AKR1E2: variants seen among roughly 807,000 people sequenced by gnomAD.
The protein encoded by AKR1E2 is aldo-keto reductase family 1 member E2.
A neutral mutation model predicts 41.9 loss-of-function variants in AKR1E2; 43 were observed. That is an observed-to-expected ratio of 1.03 (90% CI 0.80 to 1.32). AKR1E2 has a LOEUF of 1.32. AKR1E2 is among the 40% of genes most tolerant of loss of function. AKR1E2 has a pLI of 0.00. For missense variants in AKR1E2, 423 were observed against 396.5 expected (o/e 1.07, Z -0.57); for synonymous variants, 121 against 138.9 (o/e 0.87, Z 0.91).
At chr10:4,843,727 A>G (rs74694606) in intron 8 of AKR1E2, among the ~76,000 whole-genome samples, 5,308 of 152,294 alleles carry the variant, frequency 0.035, 151 homozygotes, top group East Asian at 0.12. Flanking sequence ...GAGGCAGGCC[A>G]CCCACGATGG....
At chr10:4,836,965 T>C (rs1386018360) in intron 4 of AKR1E2, among the ~76,000 whole-genome samples, 1 of 152,136 alleles carries the variant, frequency 6.6e-6, no homozygotes, top group African/African-American at 2.4e-5. Flanking sequence ...TGCCCTAAAG[T>C]GTCTTAAAAT....
At chr10:4,848,276 C>T (rs1321253313), downstream of AKR1E2, among the ~76,000 whole-genome samples, 2 of 152,154 alleles carry the variant, frequency 1.3e-5, no homozygotes, top group African/African-American at 4.8e-5. Context: ...CTGGGGAACC[C>T]CCATAGCGGA....
At position 4,842,504 on chromosome 10, in the gene AKR1E2, G is replaced by C. The variant is rs981988847; in HGVS notation, c.837G>C (p.Gln279His). ...CAAGTCACATTAAAGAGAATATCCA[G>C]GTAGGTGTATTCCTTCTTTTATTTG... ...ITPSHIKENI[Q>H]VFDFELTQHD... Residue 279 changes from glutamine to histidine, a missense_variant and splice_region_variant, in exon 8 of 10, where the codon CAG becomes CAC. Transcript: ENST00000298375. 6.2e-7 allele frequency: 1 copy of C among 1,613,594 alleles called. No individual in the cohort carries two copies. The highest frequency in any genetic ancestry group is 2.2e-5 in the East Asian group (1 of 44,858).
chr10:4,866,753 G>C, the AKR1E2 span, among the ~76,000 whole-genome samples: 1 of 148,224 alleles, frequency 6.7e-6, no homozygotes, highest in Admixed American at 7.0e-5. Context: ...AGGATAACTT[G>C]GCGGGTGGGG....
chr10:4,857,154 A>G, the AKR1E2 span, among the ~76,000 whole-genome samples: 1 of 152,154 alleles, frequency 6.6e-6, no homozygotes, highest in Non-Finnish European at 1.5e-5. Context: ...AGACTCATCC[A>G]TAATTCATTA....
chr10:4,848,311 C>T (rs1257619305), downstream of AKR1E2, among the ~76,000 whole-genome samples: 1 of 152,248 alleles, frequency 6.6e-6, no homozygotes, highest in Non-Finnish European at 1.5e-5. Flanking sequence ...CACTTTCTCA[C>T]ATCTGCTCAT....
At chr10:4,836,767 A>G (rs1337761323) in intron 4 of AKR1E2, among the ~76,000 whole-genome samples, 2 of 152,228 alleles carry the variant, frequency 1.3e-5, no homozygotes, top group Non-Finnish European at 2.9e-5. Context: ...TAGGGTGCTC[A>G]TGTAGCACCA....
chr10:4,838,733 G>C (rs981269080), intron 5 of AKR1E2, among the ~76,000 whole-genome samples: 23 of 152,172 alleles, frequency 1.5e-4, no homozygotes, highest in African/African-American at 4.8e-4. Context: ...TTCTCATGTA[G>C]TTCAGCTTTG....
intron 1 of AKR1E2, among the ~76,000 whole-genome samples, chr10:4,828,974 A>G (rs970129361): frequency 1.3e-5 from 2 of 152,124 alleles, no homozygotes; most frequent in African/African-American, 4.8e-5. Flanking sequence ...TTCTACACAA[A>G]TGATCATATC....
At chr10:4,846,745 C>A (rs1483630146) in intron 8 of AKR1E2, among the ~76,000 whole-genome samples, 1 of 152,130 alleles carries the variant, frequency 6.6e-6, no homozygotes, top group African/African-American at 2.4e-5. Flanking sequence ...GGGGTTTCAC[C>A]ATATTGGCCA....
chr10:4,849,073 C>T (rs140481906), downstream of AKR1E2, among the ~76,000 whole-genome samples: 920 of 152,246 alleles, frequency 6.0e-3, 4 homozygotes, highest in Admixed American at 0.012. Flanking sequence ...GACTTTGCTG[C>T]GGGTGTCACC....
the AKR1E2 span, among the ~76,000 whole-genome samples, chr10:4,855,351 T>C: frequency 3.3e-5 from 5 of 152,232 alleles, no homozygotes; most frequent in Non-Finnish European, 7.3e-5. Context: ...AGGAGGAGTA[T>C]CTTAGAATAG....
the AKR1E2 span, among the ~76,000 whole-genome samples, chr10:4,859,789 C>A: frequency 6.6e-6 from 1 of 152,236 alleles, no homozygotes; most frequent in Non-Finnish European, 1.5e-5. Flanking sequence ...CATGAGTGAT[C>A]TCTCTCTGGA....
chr10:4,868,002 G>A, the AKR1E2 span, among the ~76,000 whole-genome samples: 7 of 152,140 alleles, frequency 4.6e-5, no homozygotes, highest in Non-Finnish European at 8.8e-5. Flanking sequence ...TTTTAAGATG[G>A]TGCAGCTTAG....
At chr10:4,842,570 C>A in intron 8 of AKR1E2, 66 bp downstream of exon 8, 1 of 1,437,016 alleles carries the variant, frequency 7.0e-7, no homozygotes, top group Non-Finnish European at 9.8e-7. Context: ...GGGATGACTG[C>A]TGTAGCATAC....
chr10:4,866,159 T>A, the AKR1E2 span, among the ~76,000 whole-genome samples: 1 of 152,230 alleles, frequency 6.6e-6, no homozygotes, highest in South Asian at 2.1e-4. Context: ...GTGATCCTCT[T>A]TATCATTTCC....
chr10:4,871,096 A>G, the AKR1E2 span, among the ~76,000 whole-genome samples: 1 of 151,918 alleles, frequency 6.6e-6, no homozygotes, highest in Admixed American at 6.6e-5. Flanking sequence ...TAAAATTTTA[A>G]TTTTGTGTAT....
downstream of AKR1E2, among the ~76,000 whole-genome samples, chr10:4,850,402 A>G (rs958423817): frequency 1.3e-5 from 2 of 152,228 alleles, no homozygotes; most frequent in African/African-American, 4.8e-5. Context: ...AGCTGGAAAC[A>G]GATTCGGGAG....
the AKR1E2 span, among the ~76,000 whole-genome samples, chr10:4,870,866 T>G: frequency 6.6e-6 from 1 of 152,158 alleles, no homozygotes; most frequent in African/African-American, 2.4e-5. Flanking sequence ...ATTATTTCTC[T>G]AAGCACTTTT....
Sources: gnomAD v4.1 joint callset for allele counts (sites outside exome capture counted in the v4.1 genomes callset) on GRCh38, gnomAD v4.1.1 for gene constraint, MANE v1.5 for transcripts, NCBI Gene and HGNC (gene_info 2026-07-23, HGNC 2026-07-21) for gene names.